The following SORCS3 variants were observed in gnomAD, a reference collection of about 807,000 sequenced individuals.
SORCS3 encodes the protein VPS10 domain-containing receptor SorCS3.
A neutral mutation model predicts 146.3 loss-of-function variants in SORCS3; 57 were observed. The ratio of observed to expected loss-of-function variants is 0.39; its 90% CI spans 0.31 to 0.49. SORCS3 has a LOEUF of 0.49. SORCS3 is among the 20% of genes least tolerant of loss of function. The probability of loss-of-function intolerance (pLI) is 0.92; values close to 1 mark genes in which losing one functional copy is unlikely to be tolerated. For missense variants in SORCS3, 1,341 were observed against 1,575.5 expected (o/e 0.85, Z 2.52); for synonymous variants, 653 against 618.5 (o/e 1.06, Z -0.83).
At chr10:105,003,670 G>A (rs150638546) in intron 4 of SORCS3, among the ~76,000 whole-genome samples, 82 of 152,228 alleles carry the variant, frequency 5.4e-4, no homozygotes, top group African/African-American at 1.6e-3. Context: ...CTTTTCCAGC[G>A]TCCTAGCAGG....
At chr10:104,761,393 T>C (rs1317092157) in intron 1 of SORCS3, among the ~76,000 whole-genome samples, 1 of 151,986 alleles carries the variant, frequency 6.6e-6, no homozygotes, top group Non-Finnish European at 1.5e-5. Context: ...ATACATACCA[T>C]ATCTGGAGAG....
rs372223703 is a variant in SORCS3 at position 104,925,776 on chromosome 10, G to T, written c.795+9844G>T. 2.1e-3 allele frequency among the ~76,000 whole-genome samples: 314 copies of T among 152,306 alleles called. 9 individuals carry two copies. In the South Asian group the frequency reaches 0.064, roughly 31 times the overall value. Reference sequence around the variant, plus strand: ...TGAATTGCTGTGGTCCACAGAGGAGGCTGGAGAAGGTAGCAAGGAGATGCT... The same window carrying T: ...TGAATTGCTGTGGTCCACAGAGGAGTCTGGAGAAGGTAGCAAGGAGATGCT... On this transcript the variant is annotated intron_variant, in intron 3 of 26. Coordinates refer to ENST00000369701, the MANE Select transcript of SORCS3 (RefSeq NM_014978.3).
chr10:104,696,493 T>TATAATATATAATATATAATATAG (rs1564661356), intron 1 of SORCS3, among the ~76,000 whole-genome samples: 1 of 55,606 alleles, frequency 1.8e-5, no homozygotes, highest in African/African-American at 6.2e-5. Flanking sequence ...ATATAATATA[T>TATAATATATAATATATAATATAG]AATATATATA....
chr10:104,993,157 C>T (rs1326030571), intron 4 of SORCS3, among the ~76,000 whole-genome samples: 2 of 152,160 alleles, frequency 1.3e-5, no homozygotes, highest in South Asian at 2.1e-4. Flanking sequence ...TATCTAAGGC[C>T]GAGGGCTATG....
chr10:104,990,122 A>AGTACTTCTATACCC (rs1278730802), intron 4 of SORCS3, among the ~76,000 whole-genome samples: 7 of 152,212 alleles, frequency 4.6e-5, no homozygotes, highest in Non-Finnish European at 7.3e-5. Flanking sequence ...TCTGTGCAGA[A>AGTACTTCTATACCC]AGCTATAGAA....
chr10:104,863,906 G>A lies in SORCS3; in HGVS notation c.695+21047G>A, dbSNP rs114007533. On this transcript the variant is annotated intron_variant, in intron 2 of 26. Coordinates refer to ENST00000369701, the MANE Select transcript of SORCS3 (RefSeq NM_014978.3). ...ATGGCATACATAGAATGCCACAGTT[G>A]TCAAAACTCACTGGCTATTTTGAAG... is the stretch of plus-strand genomic sequence containing the variant. Among the ~76,000 whole-genome samples, 867 of 152,264 alleles carry A rather than the reference G, an allele frequency of 5.7e-3. 14 individuals are homozygous for A. Among genetic ancestry groups the A allele is most frequent in the African/African-American group, 0.019 (806 of 41,552 alleles).
chr10:104,878,200 G>A (rs541247310), intron 2 of SORCS3, among the ~76,000 whole-genome samples: 3 of 152,122 alleles, frequency 2.0e-5, no homozygotes, highest in South Asian at 2.1e-4. Context: ...CCAGAGCAGT[G>A]CCATTTTCTT....
At chr10:105,256,200 T>A (rs2056930332) in intron 24 of SORCS3, among the ~76,000 whole-genome samples, 1 of 152,210 alleles carries the variant, frequency 6.6e-6, no homozygotes, top group Non-Finnish European at 1.5e-5. Context: ...CCACAGAACT[T>A]TAAAACTCCC....
intron 1 of SORCS3, chr10:104,665,470 A>G (rs1310484076): frequency 1.3e-5 from 2 of 152,216 alleles, no homozygotes; most frequent in South Asian, 2.1e-4. Flanking sequence ...TCACTTAGTC[A>G]CTCTGAAATT....
intron 1 of SORCS3, among the ~76,000 whole-genome samples, chr10:104,713,693 C>A (rs1377384863): frequency 6.6e-6 from 1 of 152,042 alleles, no homozygotes; most frequent in Non-Finnish European, 1.5e-5. Context: ...AGTTGATTTG[C>A]TAATATTGGT....
intron 10 of SORCS3, among the ~76,000 whole-genome samples, 153 bp downstream of exon 10, chr10:105,157,437 A>G (rs912513955): frequency 1.3e-5 from 2 of 152,206 alleles, no homozygotes; most frequent in Non-Finnish European, 2.9e-5. Flanking sequence ...GTGTGGACTC[A>G]GAGTGCAGCA....
At chr10:104,784,592 C>G (rs1016913124) in intron 1 of SORCS3, among the ~76,000 whole-genome samples, 2 of 152,170 alleles carry the variant, frequency 1.3e-5, no homozygotes, top group African/African-American at 4.8e-5. Context: ...AAATTCAGAA[C>G]TGAGTTCTCC....
At chr10:105,069,689 T>G (rs984171514) in intron 5 of SORCS3, among the ~76,000 whole-genome samples, 2 of 152,222 alleles carry the variant, frequency 1.3e-5, no homozygotes, top group African/African-American at 4.8e-5. Flanking sequence ...GACTTTGATG[T>G]TGTCCCAAGG....
chr10:105,170,248 A>G (rs2056348028), intron 13 of SORCS3, among the ~76,000 whole-genome samples: 1 of 152,078 alleles, frequency 6.6e-6, no homozygotes, highest in Non-Finnish European at 1.5e-5. Flanking sequence ...TACTTGTCTG[A>G]TTATGCCTGG....
At chr10:105,176,870 A>AAAC (rs2056408904) in intron 13 of SORCS3, among the ~76,000 whole-genome samples, 1 of 151,462 alleles carries the variant, frequency 6.6e-6, no homozygotes, top group South Asian at 2.1e-4. Flanking sequence ...ACAAACAAAC[A>AAAC]AAAACCCTTC....
At chr10:104,764,954 T>C (rs2017162385) in intron 1 of SORCS3, among the ~76,000 whole-genome samples, 1 of 152,168 alleles carries the variant, frequency 6.6e-6, no homozygotes, top group Non-Finnish European at 1.5e-5. Flanking sequence ...TATTTGTGCC[T>C]GAAGGCATGA....
At chr10:105,222,689 A>T (rs766239098) in intron 19 of SORCS3, among the ~76,000 whole-genome samples, 6 of 152,208 alleles carry the variant, frequency 3.9e-5, no homozygotes, top group African/African-American at 1.4e-4. Context: ...GTTGAAGGAG[A>T]TGGAAACCCA....
chr10:104,668,184 C>T (rs1046122684), intron 1 of SORCS3, among the ~76,000 whole-genome samples: 3 of 152,120 alleles, frequency 2.0e-5, no homozygotes, highest in Admixed American at 6.5e-5. Flanking sequence ...TGTGTGCACG[C>T]GCAATAGTAA....
At chr10:105,118,681 CG>C (rs2055910235) in intron 7 of SORCS3, among the ~76,000 whole-genome samples, 1 of 151,986 alleles carries the variant, frequency 6.6e-6, no homozygotes, top group Non-Finnish European at 1.5e-5. Context: ...AGGTGGTGTC[CG>C]ATGGAGATGA....
Sources: allele counts gnomAD v4.1 joint callset (sites outside exome capture counted in the v4.1 genomes callset), GRCh38; gene constraint gnomAD v4.1.1; transcripts MANE v1.5; gene names NCBI Gene and HGNC (gene_info 2026-07-23, HGNC 2026-07-21).